SLC25A32: variants seen among roughly 807,000 people sequenced by gnomAD.
SLC25A32 encodes Glycine auxotroph B, complementation of hamster.
Under a neutral mutation model 39.0 loss-of-function variants are expected in SLC25A32, and 32 were observed. That is an observed-to-expected ratio of 0.82 (90% CI 0.62 to 1.10). The LOEUF (loss-of-function observed/expected upper bound fraction) is 1.10. Ranked by LOEUF, SLC25A32 falls within the 50% of genes least tolerant of loss-of-function variation. SLC25A32 has a pLI of 0.00. For missense variants in SLC25A32, 367 were observed against 395.3 expected (o/e 0.93, Z 0.61); for synonymous variants, 166 against 152.4 (o/e 1.09, Z -0.66).
chr8:103,410,849 C>T (rs1249625404), intron 1 of SLC25A32, among the ~76,000 whole-genome samples: 4 of 152,164 alleles, frequency 2.6e-5, no homozygotes, highest in African/African-American at 9.7e-5. Flanking sequence ...AATATAATGA[C>T]TTTAAAAAAA....
At chr8:103,411,420 C>G (rs759559052) in intron 1 of SLC25A32, among the ~76,000 whole-genome samples, 1 of 152,128 alleles carries the variant, frequency 6.6e-6, no homozygotes, top group Non-Finnish European at 1.5e-5. Flanking sequence ...CCCTGGCCCC[C>G]GAGACAATCT....
At chr8:103,406,193 TAAAGAGAAGAA>T (rs1208285105) in intron 2 of SLC25A32, among the ~76,000 whole-genome samples, 1 of 151,926 alleles carries the variant, frequency 6.6e-6, no homozygotes, top group African/African-American at 2.4e-5. Flanking sequence ...CACACCTCTC[TAAAGAGAAGAA>T]AAAGAGAAAA....
At chr8:103,409,843 T>G (rs1243844754) in intron 1 of SLC25A32, among the ~76,000 whole-genome samples, 1 of 152,236 alleles carries the variant, frequency 6.6e-6, no homozygotes, top group Non-Finnish European at 1.5e-5. Flanking sequence ...CCTCCCTAAT[T>G]CGCTACATGG....
chr8:103,408,444 T>C (rs1337142125), intron 1 of SLC25A32, among the ~76,000 whole-genome samples: 2 of 152,208 alleles, frequency 1.3e-5, no homozygotes, highest in Non-Finnish European at 2.9e-5. Context: ...GTTTTGTTTT[T>C]GCTCCAAGGT....
chr8:103,406,309 T>G (rs960909412), intron 2 of SLC25A32, among the ~76,000 whole-genome samples: 7 of 152,046 alleles, frequency 4.6e-5, no homozygotes, highest in African/African-American at 1.7e-4. Context: ...TTATGGGAGA[T>G]CAAGCAAAAT....
chr8:103,405,772 T>C (rs1188887920), intron 2 of SLC25A32, among the ~76,000 whole-genome samples: 1 of 152,098 alleles, frequency 6.6e-6, no homozygotes, highest in Non-Finnish European at 1.5e-5. Flanking sequence ...GCAATCCTCC[T>C]GCCTCAGCCT....
At chr8:103,404,960 C>A in intron 2 of SLC25A32, 99 bp from the exon 3 acceptor site, 1 of 692,512 alleles carries the variant, frequency 1.4e-6, no homozygotes, top group South Asian at 2.1e-5. Flanking sequence ...AAGCACAAGT[C>A]AATGCATAAT....
Position 103,414,989 on chromosome 8 carries a change from C to T in SLC25A32, c.-52G>A, listed in dbSNP as rs763398540. 1 of 1,581,288 alleles carries T rather than the reference C, an allele frequency of 6.3e-7. No individual in the cohort carries two copies. On this transcript the variant is annotated 5_prime_UTR_variant, in exon 1 of 7. Transcript: ENST00000297578. ...CGCCCAGGGCCGCGGAGGTGGGACG[C>T]GATGCAGTGGCCGCCACCGTGGCGA...
At chr8:103,408,232 C>T (rs1333478565) in intron 1 of SLC25A32, among the ~76,000 whole-genome samples, 1 of 151,894 alleles carries the variant, frequency 6.6e-6, no homozygotes, top group Non-Finnish European at 1.5e-5. Context: ...GGTGATCCAC[C>T]CACCTCGGCC....
intron 1 of SLC25A32, 87 bp downstream of exon 1, chr8:103,414,697 T>C: frequency 6.4e-7 from 1 of 1,567,258 alleles, no homozygotes; most frequent in Non-Finnish European, 8.7e-7. Context: ...TCAACGCTCC[T>C]CCTCCCCCTA....
chr8:103,406,117 A>T (rs939066047), intron 2 of SLC25A32, among the ~76,000 whole-genome samples: 1 of 151,614 alleles, frequency 6.6e-6, no homozygotes, highest in African/African-American at 2.4e-5. Context: ...CTATATATAC[A>T]TATATACATA....
intron 2 of SLC25A32, among the ~76,000 whole-genome samples, chr8:103,407,419 T>C (rs1485113502): frequency 2.0e-5 from 3 of 152,212 alleles, no homozygotes; most frequent in Non-Finnish European, 4.4e-5. Context: ...TAATAAGCCA[T>C]TAGCTATTAA....
intron 3 of SLC25A32, among the ~76,000 whole-genome samples, chr8:103,404,437 T>C (rs982349880): frequency 2.0e-5 from 3 of 151,756 alleles, no homozygotes; most frequent in African/African-American, 4.8e-5. Context: ...CTACTAAAAA[T>C]ACAAAAAATT....
intron 2 of SLC25A32, among the ~76,000 whole-genome samples, chr8:103,406,080 T>TATATATAC (rs1482565618): frequency 3.0e-5 from 4 of 134,546 alleles, no homozygotes; most frequent in Non-Finnish European, 7.0e-5. Context: ...TATATATATA[T>TATATATAC]ACACACACAC....
intron 1 of SLC25A32, among the ~76,000 whole-genome samples, chr8:103,411,557 T>C (rs2130454967): frequency 6.6e-6 from 1 of 152,332 alleles, no homozygotes; most frequent in East Asian, 1.9e-4. Context: ...TTAATACACC[T>C]GATATTGTGT....
Position 103,400,547 on chromosome 8 carries a change from C to A in SLC25A32, c.813-1G>T. ...GTAAAATCCACCGACGCCTTCTTTCCTTTAGAGGGAAAAATAGATAATGCT... is the reference window on the plus strand; with the variant it reads ...GTAAAATCCACCGACGCCTTCTTTCATTTAGAGGGAAAAATAGATAATGCT... On this transcript the variant is annotated splice_acceptor_variant, in intron 6 of 6. Coordinates refer to ENST00000297578, the MANE Select transcript of SLC25A32 (RefSeq NM_030780.5). LOFTEE classifies it high-confidence loss of function. 1 of 1,613,232 alleles carries A rather than the reference C, an allele frequency of 6.2e-7. No individual in the cohort carries two copies. The highest frequency in any genetic ancestry group is 8.5e-7 in the Non-Finnish European group (1 of 1,179,780).
At position 103,401,922 on chromosome 8, in the gene SLC25A32, T is replaced by C; in HGVS notation, c.666+19A>G. The C allele has an allele frequency of 6.3e-7, 1 of 1,580,762 alleles. No homozygotes were observed. The highest frequency in any genetic ancestry group is 1.1e-5 in the South Asian group (1 of 87,124). ...ACCCATAAAAGGAAATGATATCATT[T>C]TTACAAGAATAATCTTACCAACTGG... On this transcript the variant is annotated intron_variant, in intron 5 of 6. Coordinates refer to ENST00000297578, the MANE Select transcript of SLC25A32 (RefSeq NM_030780.5).
rs3814106 is a variant in SLC25A32 at position 103,415,006 on chromosome 8, C to T, written c.-69G>A. The T allele has an allele frequency of 1.3e-6, 2 of 1,588,128 alleles. No individual in the cohort carries two copies. The highest frequency in any genetic ancestry group is 4.6e-5 in the East Asian group (2 of 43,940). ...GTGGGACGCGATGCAGTGGCCGCCA[C>T]CGTGGCGACGGTCGCCCCTTGTGAG... On this transcript the variant is annotated 5_prime_UTR_variant, in exon 1 of 7. The change creates a new upstream start codon in the 5' untranslated region. Coordinates refer to ENST00000297578, the MANE Select transcript of SLC25A32 (RefSeq NM_030780.5).
chr8:103,405,985 C>A (rs1816321572), intron 2 of SLC25A32, among the ~76,000 whole-genome samples: 1 of 151,770 alleles, frequency 6.6e-6, no homozygotes, highest in East Asian at 1.9e-4. Flanking sequence ...ATTCTTATCA[C>A]AAAAATTTTA....
Sources: gnomAD v4.1 joint callset for allele counts (sites outside exome capture counted in the v4.1 genomes callset) on GRCh38, gnomAD v4.1.1 for gene constraint, MANE v1.5 for transcripts, NCBI Gene and HGNC (gene_info 2026-07-23, HGNC 2026-07-21) for gene names.